Variants in EPHA1 observed in about 807,000 individuals in gnomAD.
EPHA1 encodes the protein ephrin type-A receptor 1.
A neutral mutation model predicts 110.1 loss-of-function variants in EPHA1; 92 were observed. That is an observed-to-expected ratio of 0.84 (90% confidence interval 0.71 to 0.99). The LOEUF (loss-of-function observed/expected upper bound fraction) is 0.99. Ranked by LOEUF, EPHA1 falls within the 50% of genes least tolerant of loss-of-function variation. The pLI, the probability that EPHA1 is intolerant of heterozygous loss-of-function variation, is 0.00. For synonymous variants in EPHA1, 500 were observed against 516.1 expected (o/e 0.97, Z 0.42); for missense variants, 1,204 against 1,285.4 (o/e 0.94, Z 0.97).
Position 143,395,664 on chromosome 7 carries a change from G to A in EPHA1, c.1898-160C>T. The stretch of plus-strand genomic sequence containing the variant: ...GGCGTGGGCTGTCCTTCCTGGGGAA[G>A]GTCAGAGTCTGGAGCTGGAGTGCAA... On this transcript the variant is annotated intron_variant, in intron 11 of 17. Transcript: ENST00000275815. This position sits in a 1 kb window ranked among gnomAD's most constrained non-coding sequence, Gnocchi z 4.7. 1.4e-6 allele frequency: 1 copy of A among 725,052 alleles called. No individual in the cohort carries two copies. Among genetic ancestry groups the A allele is most frequent in the South Asian group, 1.9e-5 (1 of 52,744 alleles). The allele number at this position is 725,052 out of a possible 1,614,324, so 44.9% of individuals were successfully genotyped here. A position where few individuals can be genotyped will look rare whatever the true frequency, so the allele number is the denominator to read the frequency against.
rs1388321070 is a variant in EPHA1 at position 143,398,682 on chromosome 7, C to T, written c.1255G>A (p.Val419Met). 4.3e-6 allele frequency: 7 copies of T among 1,614,012 alleles called. No individual in the cohort carries two copies. The highest frequency in any genetic ancestry group is 5.9e-6 in the Non-Finnish European group (7 of 1,180,010). ...CCTGACACTCCATTTTGGGCTTCCA[C>T]ATTAAAGGTGTAGTTGGCATAAGGT... ...LEPYANYTFN[V>M]EAQNGVSGLG... Residue 419 changes from valine to methionine, a missense_variant, in exon 6 of 18, where the codon GTG becomes ATG. Val to Met is a conservative substitution (Grantham distance 21). Transcript: ENST00000275815.
In EPHA1 at chr7:143,394,871, G is replaced by GCAGCA. The variant is rs747829352; in HGVS notation, c.2284_2288dup (p.Lys764AlafsTer9). The GCAGCA allele has an allele frequency of 6.2e-7, 1 of 1,614,162 alleles. No individual in the cohort carries two copies. Among genetic ancestry groups the GCAGCA allele is most frequent in the South Asian group, 1.1e-5 (1 of 91,074 alleles). ...GAGTCAGGCCAAAGTCAGACACCTT[G>GCAGCA]CAGCACAGGTTTTGATTCACCAAGA... On this transcript the variant is annotated frameshift_variant, in exon 14 of 18. Transcript: ENST00000275815. LOFTEE classifies it high-confidence loss of function.
chr7:143,393,286 A>G lies in EPHA1; in HGVS notation c.2696+385T>C, dbSNP rs1026228492. On this transcript the variant is annotated intron_variant, in intron 16 of 17. Coordinates refer to ENST00000275815, the MANE Select transcript of EPHA1 (RefSeq NM_005232.5). This position sits in a 1 kb window ranked among gnomAD's most constrained non-coding sequence, Gnocchi z 5.6. The stretch of plus-strand genomic sequence containing the variant: ...AGGTCCTCCAAAACTTCATGAATGG[A>G]TGACCCTTTCCTTCACATGCAGAAA... Among the ~76,000 whole-genome samples, 4 of 152,270 alleles carry G rather than the reference A, an allele frequency of 2.6e-5. No homozygotes were observed. Among genetic ancestry groups the G allele is most frequent in the African/African-American group, 7.2e-5 (3 of 41,558 alleles).
chr7:143,399,436 C>T lies in EPHA1; in HGVS notation c.836-23G>A, dbSNP rs758779585. ...AGGCTGGAGAGAGAACGCAGCAGAGCAGTGGTTCTGTAAATGTTTTTACAG... is the reference window on the plus strand; with the variant it reads ...AGGCTGGAGAGAGAACGCAGCAGAGTAGTGGTTCTGTAAATGTTTTTACAG... On this transcript the variant is annotated intron_variant, in intron 4 of 17. Transcript: ENST00000275815. The T allele has an allele frequency of 5.8e-6, 9 of 1,559,042 alleles. No individual in the cohort carries two copies. In the African/African-American group the frequency reaches 1.2e-4, roughly 21 times the overall value.
Position 143,397,920 on chromosome 7 carries a change from C to G in EPHA1, c.1615G>C (p.Val539Leu). 2 of 1,613,840 alleles carry G rather than the reference C, an allele frequency of 1.2e-6. No individual in the cohort carries two copies. Among genetic ancestry groups the G allele is most frequent in the South Asian group, 1.1e-5 (1 of 91,058 alleles). Residue 539 changes from valine to leucine, a missense_variant and splice_region_variant, in exon 8 of 18, where the codon GTG becomes CTG. Transcript: ENST00000275815. ...TGGGGCAGAGCACAAGATACCCCAC[C>G]TGGTGGGCTGGTCCGAAACTCATGA... ...PDHEFRTSPP[V>L]SRGLTGGEIV...
chr7:143,394,104 A>G lies in EPHA1; in HGVS notation c.2502+90T>C, dbSNP rs763126045. On this transcript the variant is annotated intron_variant, in intron 15 of 17. Transcript: ENST00000275815. ...AACTGAAGGTCATGAATAAATAAAG[A>G]TATTTGCAGGAAAAGGCCATGGGAG... The G allele has an allele frequency of 1.4e-4, 209 of 1,485,198 alleles. 1 individual carries two copies. The highest frequency in any genetic ancestry group is 2.2e-4 in the Admixed American group (10 of 46,338). The allele number at this position is 1,485,198 out of a possible 1,614,324, so 92.0% of individuals were successfully genotyped here.
intron 2 of EPHA1, among the ~76,000 whole-genome samples, chr7:143,406,659 C>T (rs1805558994): frequency 6.6e-6 from 1 of 152,228 alleles, no homozygotes; most frequent in Non-Finnish European, 1.5e-5. Context: ...CTGAGGCTAT[C>T]TCCAGGTAGA....
chr7:143,407,753 G>C (rs1805595214), intron 1 of EPHA1, 75 bp from the exon 2 acceptor site: 1 of 1,379,278 alleles, frequency 7.3e-7, no homozygotes, highest in Non-Finnish European at 1.0e-6. Context: ...AATCATTCTG[G>C]GGCCTCAGCC....
chr7:143,395,096 C>T lies in EPHA1; in HGVS notation c.2145+25G>A. ...AGGGTACCATGGTGCATCCCCCTCC[C>T]CAGCTAGTCCTCTGCCCTCCTCACC... On this transcript the variant is annotated intron_variant, in intron 13 of 17. Coordinates refer to ENST00000275815, the MANE Select transcript of EPHA1 (RefSeq NM_005232.5). This position sits in a 1 kb window ranked among gnomAD's most constrained non-coding sequence, Gnocchi z 4.7. 1 of 1,614,072 alleles carries T rather than the reference C, an allele frequency of 6.2e-7. No homozygotes were observed. Among genetic ancestry groups the T allele is most frequent in the Non-Finnish European group, 8.5e-7 (1 of 1,180,008 alleles).
intron 2 of EPHA1, among the ~76,000 whole-genome samples, chr7:143,404,588 T>C (rs1805496615): frequency 1.3e-5 from 2 of 152,236 alleles, no homozygotes; most frequent in Admixed American, 1.3e-4. Flanking sequence ...TAACTAGGTA[T>C]TACTTTCCAT....
chr7:143,399,084 A>G (rs957144246), intron 5 of EPHA1, 139 bp from the exon 6 acceptor site: 5 of 1,212,764 alleles, frequency 4.1e-6, no homozygotes, highest in Non-Finnish European at 5.8e-6. Flanking sequence ...GGGTTTGACT[A>G]CATCTCTGCA....
intron 2 of EPHA1, among the ~76,000 whole-genome samples, chr7:143,402,114 A>C (rs549645187): frequency 6.8e-5 from 10 of 147,640 alleles, no homozygotes; most frequent in African/African-American, 2.5e-4. Context: ...TTTTTGGTAG[A>C]GATGAGTTCT....
In EPHA1 at chr7:143,397,250, C is replaced by T. The variant is rs1268472673; in HGVS notation, c.1771+54G>A. 34 of 1,518,484 alleles carry T rather than the reference C, an allele frequency of 2.2e-5. No individual in the cohort carries two copies. The East Asian group carries it at 8.4e-4, about 38-fold the overall frequency. The allele number at this position is 1,518,484 out of a possible 1,614,324, so 94.1% of individuals were successfully genotyped here. On this transcript the variant is annotated intron_variant, in intron 10 of 17. Coordinates refer to ENST00000275815, the MANE Select transcript of EPHA1 (RefSeq NM_005232.5). Reference sequence around the variant, plus strand: ...GCATCTCCCAACACACACACACACGCACACACAGGTGTGCACACGCATGTG... The same window carrying T: ...GCATCTCCCAACACACACACACACGTACACACAGGTGTGCACACGCATGTG...
In EPHA1 at chr7:143,395,249, C is replaced by T. The variant is rs1216374408; in HGVS notation, c.2084-67G>A. 6.2e-7 allele frequency: 1 copy of T among 1,613,176 alleles called. No individual in the cohort carries two copies. The highest frequency in any genetic ancestry group is 1.3e-5 in the African/African-American group (1 of 74,930). ...CTGCCCTTGGCCACACATCCTCCCT[C>T]CACTTCCAGTGGTTTCACCCCTCTT... is the stretch of plus-strand genomic sequence containing the variant. On this transcript the variant is annotated intron_variant, in intron 12 of 17. Coordinates refer to ENST00000275815, the MANE Select transcript of EPHA1 (RefSeq NM_005232.5). The surrounding 1 kb of genome is among the most constrained non-coding windows in gnomAD (Gnocchi z 4.7).
Position 143,398,941 on chromosome 7 carries a change from G to A in EPHA1, c.996C>T (p.Pro332=), listed in dbSNP as rs190072564. 4.4e-6 allele frequency: 7 copies of A among 1,596,350 alleles called. No homozygotes were observed. The highest frequency in any genetic ancestry group is 1.3e-5 in the African/African-American group (1 of 74,670). The change falls in exon 6 of 18, where the codon CCC becomes CCT. Residue 332 remains proline, a synonymous_variant. Coordinates refer to ENST00000275815, the MANE Select transcript of EPHA1 (RefSeq NM_005232.5). ...AGCTCAGGTTTCGGGGGGCCGAGGGGGGACCTGTGGGAGAAGAGGAGCCAT... is the reference window on the plus strand; with the variant it reads ...AGCTCAGGTTTCGGGGGGCCGAGGGAGGACCTGTGGGAGAAGAGGAGCCAT... ...GEGPQVACTG[P]PSAPRNLSFS...
rs553135371 is a variant in EPHA1 at position 143,399,290 on chromosome 7, G to C, written c.959C>G (p.Ala320Gly). ...TGCCACCTGGGGGCCCTCCCCGGGA[G>C]CTCTGTAATGGCCGCTCTCACAGGT... ...ICTCESGHYRAPGEGPQVACT... is the reference protein window; with the variant it reads ...ICTCESGHYRGPGEGPQVACT... The change falls in exon 5 of 18, where the codon GCT (alanine) becomes GGT (glycine). Residue 320 changes from alanine (A) to glycine (G), a missense_variant. Ala to Gly is a moderately conservative substitution (Grantham distance 60). Coordinates refer to ENST00000275815, the MANE Select transcript of EPHA1 (RefSeq NM_005232.5). 6.2e-7 allele frequency: 1 copy of C among 1,612,024 alleles called. No homozygotes were observed. The highest frequency in any genetic ancestry group is 1.1e-5 in the South Asian group (1 of 90,962).
intron 10 of EPHA1, 183 bp from the exon 11 acceptor site, chr7:143,396,693 T>A: frequency 1.5e-6 from 1 of 654,318 alleles, no homozygotes; most frequent in Non-Finnish European, 2.5e-6. Flanking sequence ...TCTCCCTGTC[T>A]ATGCTCCAAG....
chr7:143,394,357 TG>T lies in EPHA1; in HGVS notation c.2353-15del. The T allele has an allele frequency of 6.2e-7, 1 of 1,612,472 alleles. No individual in the cohort carries two copies. The highest frequency in any genetic ancestry group is 8.5e-7 in the Non-Finnish European group (1 of 1,178,984). On this transcript the variant is annotated splice_polypyrimidine_tract_variant and intron_variant, in intron 14 of 17. Coordinates refer to ENST00000275815, the MANE Select transcript of EPHA1 (RefSeq NM_005232.5). ...GATCTTTCCTCCCTAAGAAGGCACA[TG>T]GGTCAGGGACGGAAAGTTATGGTGT...
At position 143,401,287 on chromosome 7, in the gene EPHA1, T is replaced by C. The variant is rs777982770; in HGVS notation, c.432+37A>G. 46 of 1,603,102 alleles carry C rather than the reference T, an allele frequency of 2.9e-5. 1 individual carries two copies. In the South Asian group the frequency reaches 5.1e-4, roughly 18 times the overall value. The stretch of plus-strand genomic sequence containing the variant: ...ACCCAATAAGGAGCCACCAGGGATC[T>C]GCACCAGGACCCAGATGGCATGGAG... On this transcript the variant is annotated intron_variant, in intron 3 of 17. Coordinates refer to ENST00000275815, the MANE Select transcript of EPHA1 (RefSeq NM_005232.5). This position sits in a 1 kb window ranked among gnomAD's most constrained non-coding sequence, Gnocchi z 4.1.
Sources: gnomAD v4.1 joint callset for allele counts (sites outside exome capture counted in the v4.1 genomes callset) on GRCh38, gnomAD v4.1.1 for gene constraint, Gnocchi (gnomAD v3.1) non-coding constraint, MANE v1.5 for transcripts, NCBI Gene and HGNC (gene_info 2026-07-23, HGNC 2026-07-21) for gene names.